The following CTNNBIP1 variants were observed in gnomAD, a reference collection of about 807,000 sequenced individuals.
CTNNBIP1 encodes catenin beta interacting protein 1, also known as beta-catenin-interacting protein 1.
A neutral mutation model predicts 11.8 loss-of-function variants in CTNNBIP1; 7 were observed. The ratio of observed to expected loss-of-function variants is 0.60; its 90% CI spans 0.34 to 1.12. The LOEUF is 1.12. Among genes scored for constraint, CTNNBIP1 ranks in the 50% most tolerant of loss-of-function variants. The pLI is 0.03. For missense variants in CTNNBIP1, 101 were observed against 113.4 expected (o/e 0.89, Z 0.50); for synonymous variants, 58 against 43.9 (o/e 1.32, Z -1.26).
intron 1 of CTNNBIP1, among the ~76,000 whole-genome samples, chr1:9,903,267 C>A (rs896840778): frequency 4.6e-5 from 7 of 152,146 alleles, no homozygotes; most frequent in African/African-American, 1.7e-4. Flanking sequence ...AACATCAGAA[C>A]CAAGATTAGA....
chr1:9,870,649 G>A (rs944689390), intron 5 of CTNNBIP1, among the ~76,000 whole-genome samples: 1 of 152,230 alleles, frequency 6.6e-6, no homozygotes, highest in African/African-American at 2.4e-5. Context: ...TTACCATGCT[G>A]ACTTGTTGAG....
chr1:9,854,328 A>C (rs1638457057), intron 5 of CTNNBIP1, among the ~76,000 whole-genome samples: 1 of 144,498 alleles, frequency 6.9e-6, no homozygotes, highest in South Asian at 2.5e-4. Context: ...AGATCGCGCC[A>C]TTGTACTCCA....
At position 9,850,713 on chromosome 1, in the gene CTNNBIP1, T is replaced by C. The variant is rs373179340; in HGVS notation, c.*5A>G. 1.9e-6 allele frequency: 3 copies of C among 1,613,680 alleles called. No individual in the cohort carries two copies. In the African/African-American group the frequency reaches 4.0e-5, roughly 22 times the overall value. ...AGCATCCAGGGTGTTCCAAGGGCTTTGCAGCTACTGCCTCCGGTCTTCCGT... is the reference window on the plus strand; with the variant it reads ...AGCATCCAGGGTGTTCCAAGGGCTTCGCAGCTACTGCCTCCGGTCTTCCGT... On this transcript the variant is annotated 3_prime_UTR_variant, in exon 6 of 6. Coordinates refer to ENST00000377263, the MANE Select transcript of CTNNBIP1 (RefSeq NM_020248.3).
rs1388284748 is a variant in CTNNBIP1, at chr1:9,867,847, G to A, written c.187+3340C>T. Among the ~76,000 whole-genome samples, 3 of 152,218 alleles carry A rather than the reference G, an allele frequency of 2.0e-5. No individual in the cohort carries two copies. The South Asian group carries it at 6.2e-4, about 32-fold the overall frequency. On this transcript the variant is annotated intron_variant, in intron 5 of 5. Coordinates refer to ENST00000377263, the MANE Select transcript of CTNNBIP1 (RefSeq NM_020248.3). This position sits in a 1 kb window ranked among gnomAD's most constrained non-coding sequence, Gnocchi z 4.6. ...AGCAGGATCCTGCAGCATCAGCTGAGATTGGCTCTGCGATGGAGAAGGTGG... is the reference window on the plus strand; with the variant it reads ...AGCAGGATCCTGCAGCATCAGCTGAAATTGGCTCTGCGATGGAGAAGGTGG...
intron 5 of CTNNBIP1, among the ~76,000 whole-genome samples, chr1:9,863,001 C>T (rs915215531): frequency 2.6e-5 from 4 of 152,178 alleles, no homozygotes; most frequent in Admixed American, 6.5e-5. Context: ...TGAGGCCATT[C>T]GGGCATCTGT....
intron 1 of CTNNBIP1, among the ~76,000 whole-genome samples, chr1:9,885,483 A>C (rs1289999145): frequency 1.3e-5 from 2 of 152,084 alleles, no homozygotes; most frequent in African/African-American, 4.8e-5. Context: ...GTCTCTACAA[A>C]AAATACAAAA....
intron 1 of CTNNBIP1, among the ~76,000 whole-genome samples, chr1:9,884,773 G>A (rs1271739310): frequency 2.6e-5 from 4 of 152,170 alleles, no homozygotes; most frequent in Non-Finnish European, 4.4e-5. Flanking sequence ...GCCAACCCGC[G>A]GGTGAGTGGG....
At chr1:9,854,558 G>T (rs886262665) in intron 5 of CTNNBIP1, among the ~76,000 whole-genome samples, 1 of 151,946 alleles carries the variant, frequency 6.6e-6, no homozygotes, top group South Asian at 2.1e-4. Flanking sequence ...TCCATTCCAG[G>T]TTAGGTAAGT....
At chr1:9,863,979 G>A (rs1403459023) in intron 5 of CTNNBIP1, among the ~76,000 whole-genome samples, 1 of 152,228 alleles carries the variant, frequency 6.6e-6, no homozygotes, top group Non-Finnish European at 1.5e-5. Flanking sequence ...CATGACCACA[G>A]ATATTTTAAC....
Position 9,851,337 on chromosome 1 carries a change from C to T in CTNNBIP1, c.188-561G>A, listed in dbSNP as rs1425057709. On this transcript the variant is annotated intron_variant, in intron 5 of 5. Transcript: ENST00000377263. The surrounding 1 kb of genome is among the most constrained non-coding windows in gnomAD (Gnocchi z 4.8). ...GCTCTGACTGAGACAGATATGCCCACAATCCTTCTTTTTCTTTTTCTTTTT... is the reference window on the plus strand; with the variant it reads ...GCTCTGACTGAGACAGATATGCCCATAATCCTTCTTTTTCTTTTTCTTTTT... Among the ~76,000 whole-genome samples the T allele has an allele frequency of 6.6e-6, 1 of 152,114 alleles. No individual in the cohort carries two copies. Among genetic ancestry groups the T allele is most frequent in the African/African-American group, 2.4e-5 (1 of 41,406 alleles).
At chr1:9,861,349 C>T (rs958521048) in intron 5 of CTNNBIP1, among the ~76,000 whole-genome samples, 3 of 152,244 alleles carry the variant, frequency 2.0e-5, no homozygotes, top group African/African-American at 4.8e-5. Flanking sequence ...GGCCTCCTCC[C>T]ACACAAACCA....
At chr1:9,861,061 A>G (rs1318355763) in intron 5 of CTNNBIP1, among the ~76,000 whole-genome samples, 1 of 152,216 alleles carries the variant, frequency 6.6e-6, no homozygotes, top group African/African-American at 2.4e-5. Context: ...TGGAGAGGGA[A>G]TGCGACCACA....
intron 1 of CTNNBIP1, among the ~76,000 whole-genome samples, chr1:9,900,071 G>GAA (rs747434164): frequency 3.3e-5 from 4 of 122,288 alleles, no homozygotes; most frequent in Non-Finnish European, 3.5e-5. Context: ...TCCGTCTCAA[G>GAA]AAAAAAAAAA....
At chr1:9,878,695 T>C (rs923446141) in intron 2 of CTNNBIP1, among the ~76,000 whole-genome samples, 11 of 152,166 alleles carry the variant, frequency 7.2e-5, no homozygotes, top group African/African-American at 2.2e-4. Context: ...AGAGCATGGA[T>C]TGCCGAGTGG....
chr1:9,903,108 A>G (rs529496076), intron 1 of CTNNBIP1, among the ~76,000 whole-genome samples: 2 of 152,224 alleles, frequency 1.3e-5, no homozygotes, highest in East Asian at 3.9e-4. Flanking sequence ...TATTCCTAGT[A>G]CCTATGATGG....
intron 1 of CTNNBIP1, among the ~76,000 whole-genome samples, chr1:9,906,968 G>A (rs1442154192): frequency 6.6e-6 from 1 of 152,104 alleles, no homozygotes; most frequent in African/African-American, 2.4e-5. Context: ...GATGAAATGG[G>A]GTAGAAACTA....
At chr1:9,855,110 AT>A (rs1047469437) in intron 5 of CTNNBIP1, among the ~76,000 whole-genome samples, 1 of 152,226 alleles carries the variant, frequency 6.6e-6, no homozygotes, top group African/African-American at 2.4e-5. Flanking sequence ...TCCACTTATA[AT>A]TGCATTAATC....
At position 9,875,679 on chromosome 1, in the gene CTNNBIP1, G is replaced by A. The variant is rs192066738; in HGVS notation, c.-25+2226C>T. Among the ~76,000 whole-genome samples, 6 of 152,334 alleles carry A rather than the reference G, an allele frequency of 3.9e-5. No individual in the cohort carries two copies. The East Asian group carries it at 1.2e-3, about 29-fold the overall frequency. ...ACCCTTGACTTGTCTTTTCTAAAAA[G>A]CGTGGTCATGGAGAATTCTTCCAGC... On this transcript the variant is annotated intron_variant, in intron 3 of 5. Transcript: ENST00000377263.
chr1:9,894,977 G>A (rs186464111), intron 1 of CTNNBIP1, among the ~76,000 whole-genome samples: 2 of 142,944 alleles, frequency 1.4e-5, no homozygotes, highest in Non-Finnish European at 3.0e-5. Flanking sequence ...GTGCAATCTC[G>A]GCTCACTGCA....
Sources: allele counts gnomAD v4.1 joint callset (sites outside exome capture counted in the v4.1 genomes callset), GRCh38; gene constraint gnomAD v4.1.1; non-coding constraint Gnocchi (gnomAD v3.1); transcripts MANE v1.5; gene names NCBI Gene and HGNC (gene_info 2026-07-23, HGNC 2026-07-21).